The following PACRG variants were observed in gnomAD, a reference collection of about 807,000 sequenced individuals.
PACRG encodes parkin coregulated.
Under a neutral mutation model 29.7 loss-of-function variants are expected in PACRG, and 29 were observed. That is an observed-to-expected ratio of 0.98 (90% CI 0.73 to 1.33). PACRG has a LOEUF of 1.33. Among genes scored for constraint, PACRG ranks in the 40% most tolerant of loss-of-function variants. The pLI is 0.00. For synonymous variants in PACRG, 116 were observed against 118.7 expected (o/e 0.98, Z 0.15); for missense variants, 279 against 316.2 (o/e 0.88, Z 0.89).
rs545293851 is a variant in PACRG at position 162,777,877 on chromosome 6, CTCCTTCCTTCTT to C, written c.157-36255_157-36244del. On this transcript the variant is annotated intron_variant, in intron 1 of 4. Coordinates refer to ENST00000366888, the MANE Select transcript of PACRG (RefSeq NM_001080379.2). The surrounding 1 kb of genome is among the most constrained non-coding windows in gnomAD (Gnocchi z 4.0). ...CTTCTTTCTTTCCTTCCTTCCCACC[CTCCTTCCTTCTT>C]TCCTTCCTTCTTTCATTCCTTCCTT... 1.4e-4 allele frequency among the ~76,000 whole-genome samples: 22 copies of C among 151,976 alleles called. No homozygotes were observed. The South Asian group carries it at 3.9e-3, about 27-fold the overall frequency.
chr6:162,881,750 G>T (rs932566038), intron 2 of PACRG, among the ~76,000 whole-genome samples: 1 of 150,320 alleles, frequency 6.7e-6, no homozygotes, highest in Non-Finnish European at 1.5e-5. Flanking sequence ...ACAGTGGGGT[G>T]CTCTCCACAA....
intron 1 of PACRG, among the ~76,000 whole-genome samples, chr6:162,810,306 C>T (rs371464332): frequency 6.6e-6 from 1 of 152,196 alleles, no homozygotes; most frequent in African/African-American, 2.4e-5. Context: ...TTCCCCCAAC[C>T]TTTGCCAGAG....
At chr6:162,986,593 A>G (rs1258363047) in intron 2 of PACRG, among the ~76,000 whole-genome samples, 2 of 152,174 alleles carry the variant, frequency 1.3e-5, no homozygotes, top group African/African-American at 4.8e-5. Context: ...TCTAAGACCT[A>G]AAACCATAAA....
chr6:163,169,406 G>A (rs1051155437), intron 4 of PACRG, among the ~76,000 whole-genome samples: 1 of 152,178 alleles, frequency 6.6e-6, no homozygotes, highest in Non-Finnish European at 1.5e-5. Context: ...ATTTTCCAAA[G>A]GAAGTCAAGA....
intron 3 of PACRG, among the ~76,000 whole-genome samples, chr6:163,076,586 C>A (rs1352279244): frequency 6.6e-6 from 1 of 152,234 alleles, no homozygotes; most frequent in Non-Finnish European, 1.5e-5. Context: ...AGGATTCCCA[C>A]TATCTGGCTG....
At chr6:162,897,521 C>G (rs575529977) in intron 2 of PACRG, among the ~76,000 whole-genome samples, 6 of 152,124 alleles carry the variant, frequency 3.9e-5, no homozygotes, top group Non-Finnish European at 7.3e-5. Flanking sequence ...GTGAATTTAT[C>G]CAGAAATGAA....
chr6:162,788,641 G>C (rs1216973559), intron 1 of PACRG, among the ~76,000 whole-genome samples: 1 of 152,214 alleles, frequency 6.6e-6, no homozygotes, highest in African/African-American at 2.4e-5. Context: ...GTGTATGAGA[G>C]TTCCTGTTGC....
At chr6:162,963,975 C>T (rs1800836510) in intron 2 of PACRG, among the ~76,000 whole-genome samples, 1 of 152,124 alleles carries the variant, frequency 6.6e-6, no homozygotes, top group African/African-American at 2.4e-5. Flanking sequence ...TTTGTCAGCC[C>T]ATAAAGACTA....
intron 2 of PACRG, among the ~76,000 whole-genome samples, chr6:162,882,877 A>G (rs1274949335): frequency 2.6e-5 from 4 of 152,122 alleles, no homozygotes; most frequent in Non-Finnish European, 5.9e-5. Flanking sequence ...TTATTTCCCA[A>G]ACCTTCAGAA....
At chr6:163,133,014 A>G (rs1014048739) in intron 4 of PACRG, among the ~76,000 whole-genome samples, 1 of 152,222 alleles carries the variant, frequency 6.6e-6, no homozygotes, top group Non-Finnish European at 1.5e-5. Flanking sequence ...ACTATACCAA[A>G]GTAACAGAAT....
At position 163,061,176 on chromosome 6, in the gene PACRG, C is replaced by T. The variant is rs527531750; in HGVS notation, c.292-974C>T. 1.6e-3 allele frequency among the ~76,000 whole-genome samples: 239 copies of T among 152,192 alleles called. 1 individual carries two copies. Among genetic ancestry groups the T allele is most frequent in the African/African-American group, 5.6e-3 (234 of 41,518 alleles). On this transcript the variant is annotated intron_variant, in intron 2 of 4. Transcript: ENST00000366888. The stretch of plus-strand genomic sequence containing the variant: ...AAATTATCACCTCTTGCTGGGAAGG[C>T]CCCATCCCTTGCTCTGTGTAGATGT...
intron 1 of PACRG, among the ~76,000 whole-genome samples, chr6:162,736,076 A>G (rs566240244): frequency 6.6e-6 from 1 of 152,368 alleles, no homozygotes; most frequent in African/African-American, 2.4e-5. Flanking sequence ...ACATCTCATT[A>G]TCACAAAAGG....
chr6:163,247,262 C>T (rs908442687), intron 4 of PACRG, among the ~76,000 whole-genome samples: 1 of 152,184 alleles, frequency 6.6e-6, no homozygotes, highest in African/African-American at 2.4e-5. Context: ...TATGTGTCCA[C>T]TCATATTGCT....
At chr6:162,947,611 CATATAT>C (rs1170513962) in intron 2 of PACRG, among the ~76,000 whole-genome samples, 804 of 27,890 alleles carry the variant, frequency 0.029, 30 homozygotes, top group African/African-American at 0.079. Flanking sequence ...TATATATAAT[CATATAT>C]ATATATATAT....
At position 163,228,542 on chromosome 6, in the gene PACRG, G is replaced by A. The variant is rs139673174; in HGVS notation, c.614-86285G>A. ...AGATTAAGATAGTGCACGGGTGCAC[G>A]GCCATTAGAGTATGATTAGTAAACC... is the stretch of plus-strand genomic sequence containing the variant. On this transcript the variant is annotated intron_variant, in intron 4 of 4. Transcript: ENST00000366888. Among the ~76,000 whole-genome samples, 7 of 152,232 alleles carry A rather than the reference G, an allele frequency of 4.6e-5. No homozygotes were observed. The East Asian group carries it at 9.6e-4, about 21-fold the overall frequency.
intron 2 of PACRG, among the ~76,000 whole-genome samples, chr6:162,838,951 C>T (rs9347694): frequency 0.16 from 21,388 of 137,716 alleles, 1,604 homozygotes; most frequent in East Asian, 0.3. Flanking sequence ...CATAGTATTC[C>T]ATGGTGTATA....
intron 3 of PACRG, among the ~76,000 whole-genome samples, chr6:163,083,459 A>G (rs933239990): frequency 2.6e-5 from 4 of 152,154 alleles, no homozygotes; most frequent in African/African-American, 7.2e-5. Flanking sequence ...TCATGTCTCC[A>G]TAAAATGTAT....
At chr6:162,889,627 T>A (rs1016825387) in intron 2 of PACRG, among the ~76,000 whole-genome samples, 58 of 152,342 alleles carry the variant, frequency 3.8e-4, no homozygotes, top group African/African-American at 1.3e-3. Flanking sequence ...TGTTCTCTTG[T>A]ATACTTGTGT....
At chr6:162,992,449 T>C (rs2128186330) in intron 2 of PACRG, among the ~76,000 whole-genome samples, 1 of 149,458 alleles carries the variant, frequency 6.7e-6, no homozygotes, top group South Asian at 2.1e-4. Flanking sequence ...AGATTCAACT[T>C]CTTCCTGGTT....
Sources: allele counts gnomAD v4.1 joint callset (sites outside exome capture counted in the v4.1 genomes callset), GRCh38; gene constraint gnomAD v4.1.1; non-coding constraint Gnocchi (gnomAD v3.1); transcripts MANE v1.5; gene names NCBI Gene and HGNC (gene_info 2026-07-23, HGNC 2026-07-21).